COBL: variants seen among roughly 807,000 people sequenced by gnomAD.
COBL encodes the protein cordon-bleu WH2 repeat protein.
A neutral mutation model predicts 98.8 loss-of-function variants in COBL; 51 were observed. The observed-to-expected ratio is 0.52, with a 90% confidence interval of 0.41 to 0.65. COBL has a LOEUF of 0.65. COBL is among the 30% of genes least tolerant of loss of function. The probability of loss-of-function intolerance (pLI) is 0.00; values close to 1 mark genes in which losing one functional copy is unlikely to be tolerated. For synonymous variants in COBL, 634 were observed against 651.7 expected, an observed-to-expected ratio of 0.97 and a Z score of 0.41; for missense variants, 1,617 against 1,617.5, an observed-to-expected ratio of 1.00 and a Z score of 0.01.
chr7:51,096,213 C>T (rs58507993), intron 6 of COBL, among the ~76,000 whole-genome samples: 10,645 of 152,008 alleles, frequency 0.07, 429 homozygotes, highest in Middle Eastern at 0.17. Flanking sequence ...AATAGTAAAA[C>T]GAAAAGTGAA....
At chr7:51,040,165 T>C (rs1678700178) in intron 8 of COBL, among the ~76,000 whole-genome samples, 1 of 150,832 alleles carries the variant, frequency 6.6e-6, no homozygotes, top group Admixed American at 6.6e-5. Flanking sequence ...TGAATATGTC[T>C]AATTTGTCAG....
At chr7:51,057,642 A>T (rs1790898017) in intron 7 of COBL, among the ~76,000 whole-genome samples, 1 of 152,226 alleles carries the variant, frequency 6.6e-6, no homozygotes, top group Admixed American at 6.5e-5. Context: ...CAGACTACAC[A>T]GCCAGCAAAT....
At chr7:51,259,859 T>C in intron 1 of COBL, 2 of 756,606 alleles carry the variant, frequency 2.6e-6, no homozygotes, top group Admixed American at 1.7e-5. Flanking sequence ...CATGGTTCTC[T>C]GCACCAGTAA....
intron 1 of COBL, among the ~76,000 whole-genome samples, chr7:51,235,928 G>A (rs1229474844): frequency 3.3e-5 from 5 of 151,382 alleles, no homozygotes; most frequent in East Asian, 3.9e-4. Flanking sequence ...TCTACTCCCC[G>A]CCAAGGCAGA....
intron 7 of COBL, among the ~76,000 whole-genome samples, chr7:51,076,709 T>TGG (rs111775697): frequency 5.9e-5 from 9 of 151,716 alleles, no homozygotes; most frequent in African/African-American, 1.5e-4. Context: ...TATCCCTTGT[T>TGG]GGGGGGGGTT....
chr7:51,076,150 T>C (rs889630717), intron 7 of COBL, among the ~76,000 whole-genome samples: 3 of 152,206 alleles, frequency 2.0e-5, no homozygotes, highest in East Asian at 3.8e-4. Flanking sequence ...TCCACACCTG[T>C]AGTGTTTCAT....
chr7:51,243,483 G>A (rs1179960440), intron 1 of COBL, among the ~76,000 whole-genome samples: 4 of 152,152 alleles, frequency 2.6e-5, no homozygotes, highest in African/African-American at 4.8e-5. Flanking sequence ...ATGAGCTAAG[G>A]TATAATCTTG....
chr7:51,211,952 G>A (rs1015434743), intron 2 of COBL, among the ~76,000 whole-genome samples: 1 of 152,076 alleles, frequency 6.6e-6, no homozygotes, highest in Non-Finnish European at 1.5e-5. Context: ...AAGGATAAAA[G>A]ACAGTAACAA....
chr7:51,246,311 AG>A (rs1355442266), intron 1 of COBL, among the ~76,000 whole-genome samples: 4 of 152,170 alleles, frequency 2.6e-5, no homozygotes, highest in African/African-American at 9.7e-5. Context: ...CTCCATCAGC[AG>A]GGGCCGCCTC....
chr7:51,016,958 T>A lies in COBL; in HGVS notation c.*593A>T, dbSNP rs975229376. On this transcript the variant is annotated 3_prime_UTR_variant, in exon 13 of 13. Coordinates refer to ENST00000265136, the MANE Select transcript of COBL (RefSeq NM_015198.5). Reference sequence around the variant, plus strand: ...GGTCAGATCATGGACTGTGACCCTCTGTGAAGTGTTAGCCCCAAATATTTG... The same window carrying A: ...GGTCAGATCATGGACTGTGACCCTCAGTGAAGTGTTAGCCCCAAATATTTG... 20 of 403,304 alleles carry A rather than the reference T, an allele frequency of 5.0e-5. No homozygotes were observed. Among genetic ancestry groups the A allele is most frequent in the Non-Finnish European group, 5.7e-5 (13 of 229,390 alleles). The allele number at this position is 403,304 out of a possible 1,614,324, so 25.0% of individuals were successfully genotyped here.
chr7:51,229,082 AGCACAAAGG>A (rs1355813919), intron 1 of COBL, among the ~76,000 whole-genome samples: 1 of 152,098 alleles, frequency 6.6e-6, no homozygotes, highest in Non-Finnish European at 1.5e-5. Flanking sequence ...CCCTAAAAGG[AGCACAAAGG>A]GCTTTCTACC....
At chr7:51,217,340 CTTTTTTTTT>C (rs937958755) in intron 2 of COBL, among the ~76,000 whole-genome samples, 2 of 127,720 alleles carry the variant, frequency 1.6e-5, no homozygotes, top group Admixed American at 8.2e-5. Flanking sequence ...TTTTCTTTTT[CTTTTTTTTT>C]TTTTTTTTTG....
chr7:51,241,334 T>TTA (rs1795773877), intron 1 of COBL, among the ~76,000 whole-genome samples: 1 of 152,208 alleles, frequency 6.6e-6, no homozygotes, highest in African/African-American at 2.4e-5. Context: ...ATTTTGCATG[T>TTA]TATTCATGAC....
At position 51,193,323 on chromosome 7, in the gene COBL, A is replaced by G. The variant is rs114727008; in HGVS notation, c.456+56T>C. The G allele has an allele frequency of 1.2e-3, 1,740 of 1,504,310 alleles. 16 individuals are homozygous for G. In the African/African-American group the frequency reaches 0.021, roughly 19 times the overall value. The allele number at this position is 1,504,310 out of a possible 1,614,324, so 93.2% of individuals were successfully genotyped here. The stretch of plus-strand genomic sequence containing the variant: ...GATAAGAAGAGCCACACTGGCCCCT[A>G]CTCAGGACCTGCCACACATTCAGAC... On this transcript the variant is annotated intron_variant, in intron 3 of 12. Coordinates refer to ENST00000265136, the MANE Select transcript of COBL (RefSeq NM_015198.5).
At chr7:51,156,364 G>A in intron 5 of COBL, 1 of 985,300 alleles carries the variant, frequency 1.0e-6, no homozygotes, top group Non-Finnish European at 1.2e-6. Context: ...GAAGCTCAGA[G>A]CCAATACTTC....
intron 12 of COBL, 107 bp from the exon 13 acceptor site, chr7:51,017,675 C>T (rs1786406588): frequency 8.7e-7 from 1 of 1,152,972 alleles, no homozygotes; most frequent in Admixed American, 1.7e-5. Context: ...AATAGTACTC[C>T]TGGAACCCCC....
At chr7:51,189,682 G>GA (rs149080099) in intron 4 of COBL, among the ~76,000 whole-genome samples, 1 of 151,302 alleles carries the variant, frequency 6.6e-6, no homozygotes, top group African/African-American at 2.4e-5. Context: ...GAAAAAATTA[G>GA]AAAAAAAAGT....
chr7:51,261,458 G>C (rs1278492528), intron 1 of COBL, among the ~76,000 whole-genome samples: 3 of 152,210 alleles, frequency 2.0e-5, no homozygotes, highest in Admixed American at 2.0e-4. Context: ...TCTGTGCAAT[G>C]AATGAATGAA....
In COBL at chr7:51,029,389, C is replaced by T. The variant is rs147697608; in HGVS notation, c.1707G>A (p.Ser569=). The change falls in exon 10 of 13, where the codon TCG becomes TCA. Residue 569 remains serine, a synonymous_variant. Transcript: ENST00000265136. ...NRNNNAGSFD[S]EGVASRRDSL... ...AGTCTCTCCTGCTGGCAACACCCTC[C>T]GAGTCGAAAGACCCAGCATTGTTGT... The T allele has an allele frequency of 1.4e-4, 222 of 1,612,350 alleles. 3 individuals carry two copies. Among genetic ancestry groups the T allele is most frequent in the South Asian group, 1.3e-3 (114 of 90,836 alleles).
Sources: gnomAD v4.1 joint callset for allele counts (sites outside exome capture counted in the v4.1 genomes callset) on GRCh38, gnomAD v4.1.1 for gene constraint, MANE v1.5 for transcripts, NCBI Gene and HGNC (gene_info 2026-07-23, HGNC 2026-07-21) for gene names.